The following CWC27 variants were observed in gnomAD, a reference collection of about 807,000 sequenced individuals.
The protein encoded by CWC27 is CWC27 spliceosome associated cyclophilin.
In CWC27, 47 loss-of-function variants were observed where a neutral mutation model predicts 63.6. The observed-to-expected ratio is 0.74, with a 90% CI of 0.58 to 0.94. CWC27 has a LOEUF of 0.94. Ranked by LOEUF, CWC27 falls within the 40% of genes least tolerant of loss-of-function variation. The pLI, the probability that CWC27 is intolerant of heterozygous loss-of-function variation, is 0.00. For synonymous variants in CWC27, 175 were observed against 179.8 expected (o/e 0.97, Z 0.22); for missense variants, 495 against 554.3 (o/e 0.89, Z 1.07).
At chr5:64,774,848 C>T in intron 2 of CWC27, 61 bp downstream of exon 2, 1 of 953,946 alleles carries the variant, frequency 1.0e-6, no homozygotes. Flanking sequence ...ACTGCAGTGT[C>T]TGCTTCACAA....
intron 13 of CWC27, among the ~76,000 whole-genome samples, chr5:64,988,754 C>T (rs1561180923): frequency 6.6e-6 from 1 of 152,000 alleles, no homozygotes; most frequent in East Asian, 1.9e-4. Flanking sequence ...TAGGCATGCG[C>T]CACCGCATGT....
chr5:64,869,782 A>G (rs988638497), intron 10 of CWC27, among the ~76,000 whole-genome samples: 1 of 152,048 alleles, frequency 6.6e-6, no homozygotes, highest in African/African-American at 2.4e-5. Flanking sequence ...TATTGTATCC[A>G]AAAAGCTTTT....
intron 10 of CWC27, among the ~76,000 whole-genome samples, chr5:64,850,667 T>C (rs1746112083): frequency 6.6e-6 from 1 of 152,038 alleles, no homozygotes; most frequent in African/African-American, 2.4e-5. Flanking sequence ...AGACGTCTAA[T>C]AAAGGGTTAA....
chr5:64,937,279 A>G (rs1470462046), intron 11 of CWC27, among the ~76,000 whole-genome samples: 1 of 152,140 alleles, frequency 6.6e-6, no homozygotes, highest in African/African-American at 2.4e-5. Context: ...TGTGTCCCAG[A>G]GATTCTGGTT....
chr5:64,840,396 T>A (rs902532910), intron 10 of CWC27, among the ~76,000 whole-genome samples: 24 of 28,878 alleles, frequency 8.3e-4, no homozygotes, highest in African/African-American at 1.2e-3. Context: ...AAAAAAAAAA[T>A]ATATATATAT....
At chr5:64,860,031 A>G (rs1178729564) in intron 10 of CWC27, among the ~76,000 whole-genome samples, 2 of 152,180 alleles carry the variant, frequency 1.3e-5, no homozygotes, top group Admixed American at 1.3e-4. Context: ...CCTACAAGGT[A>G]GTTACTATGG....
chr5:64,923,760 T>G (rs938661748), intron 11 of CWC27, among the ~76,000 whole-genome samples: 2 of 151,648 alleles, frequency 1.3e-5, no homozygotes. Flanking sequence ...TTTTTCTAAC[T>G]CTAGCTTCAA....
At chr5:64,996,265 G>A (rs949029276) in intron 13 of CWC27, among the ~76,000 whole-genome samples, 4 of 152,076 alleles carry the variant, frequency 2.6e-5, no homozygotes, top group African/African-American at 4.8e-5. Context: ...AATGCAACTC[G>A]CAAAATCCCC....
At chr5:64,993,532 C>T (rs1247592709) in intron 13 of CWC27, among the ~76,000 whole-genome samples, 2 of 151,812 alleles carry the variant, frequency 1.3e-5, no homozygotes, top group Admixed American at 6.6e-5. Flanking sequence ...TTACAAAATG[C>T]GGAGGCTGGC....
At chr5:64,904,965 C>A (rs187734537) in intron 11 of CWC27, among the ~76,000 whole-genome samples, 54 of 152,194 alleles carry the variant, frequency 3.5e-4, no homozygotes, top group African/African-American at 1.3e-3. Context: ...CTTTGGGAGG[C>A]CAAGGCAGGT....
chr5:64,932,608 A>G (rs1748260856), intron 11 of CWC27, among the ~76,000 whole-genome samples: 1 of 152,186 alleles, frequency 6.6e-6, no homozygotes, highest in Admixed American at 6.5e-5. Context: ...GCCCAGCTAT[A>G]GGAGGTTTTC....
chr5:64,989,947 A>G (rs1018452783), intron 13 of CWC27, among the ~76,000 whole-genome samples: 1 of 151,938 alleles, frequency 6.6e-6, no homozygotes, highest in Non-Finnish European at 1.5e-5. Flanking sequence ...AATAAAAGGT[A>G]TTTGGCTCAG....
intron 10 of CWC27, among the ~76,000 whole-genome samples, chr5:64,850,887 C>T (rs1167363292): frequency 7.6e-6 from 1 of 132,450 alleles, no homozygotes; most frequent in East Asian, 2.6e-4. Context: ...GTCAGAATGG[C>T]TATCAAAAAA....
At chr5:64,960,912 T>A (rs924222247) in intron 11 of CWC27, among the ~76,000 whole-genome samples, 5 of 141,480 alleles carry the variant, frequency 3.5e-5, no homozygotes, top group Admixed American at 1.5e-4. Context: ...TACACCCAGC[T>A]CAATACACTG....
chr5:64,877,837 T>G (rs1561443943), intron 10 of CWC27, among the ~76,000 whole-genome samples: 1 of 147,964 alleles, frequency 6.8e-6, no homozygotes, highest in Admixed American at 6.7e-5. Flanking sequence ...GATAATTCTA[T>G]TATTTTCTTG....
chr5:64,948,084 G>A (rs1201182764), intron 11 of CWC27, among the ~76,000 whole-genome samples: 1 of 151,962 alleles, frequency 6.6e-6, no homozygotes, highest in Non-Finnish European at 1.5e-5. Flanking sequence ...TGGACCATTT[G>A]TGAGCCATTA....
At chr5:64,894,598 A>G (rs1561146108) in intron 11 of CWC27, among the ~76,000 whole-genome samples, 1 of 152,216 alleles carries the variant, frequency 6.6e-6, no homozygotes, top group Non-Finnish European at 1.5e-5. Context: ...TTCTGTCACT[A>G]TGGCAGCCTA....
intron 11 of CWC27, among the ~76,000 whole-genome samples, chr5:64,968,361 A>T (rs1223983412): frequency 6.6e-6 from 1 of 152,072 alleles, no homozygotes; most frequent in Non-Finnish European, 1.5e-5. Context: ...TTATCACTTG[A>T]CTCAGCAATC....
At chr5:64,807,498 CCTT>C in intron 10 of CWC27, 1 of 1,387,172 alleles carries the variant, frequency 7.2e-7, no homozygotes, top group Non-Finnish European at 9.3e-7. Flanking sequence ...TAGTTTCTCT[CCTT>C]AGAGAATCGG....
Sources: gnomAD v4.1 joint callset for allele counts (sites outside exome capture counted in the v4.1 genomes callset) on GRCh38, gnomAD v4.1.1 for gene constraint, MANE v1.5 for transcripts, NCBI Gene and HGNC (gene_info 2026-07-23, HGNC 2026-07-21) for gene names.